Variants in KLF12 observed in about 807,000 individuals in gnomAD.
The protein encoded by KLF12 is Krueppel-like factor 12.
A neutral mutation model predicts 37.8 loss-of-function variants in KLF12; 9 were observed. The observed-to-expected ratio is 0.24, with a 90% confidence interval of 0.14 to 0.42. KLF12 has a LOEUF of 0.42. Among genes scored for constraint, KLF12 ranks in the 10% least tolerant of loss-of-function variants. The probability of loss-of-function intolerance (pLI) is 1.00; values close to 1 mark genes in which losing one functional copy is unlikely to be tolerated. For missense variants in KLF12, 411 were observed against 516.0 expected, an observed-to-expected ratio of 0.80 and a Z score of 1.97; for synonymous variants, 208 against 202.1, an observed-to-expected ratio of 1.03 and a Z score of -0.25.
the KLF12 span, among the ~76,000 whole-genome samples, chr13:74,214,402 C>T: frequency 1.7e-4 from 26 of 152,276 alleles, no homozygotes; most frequent in South Asian, 5.4e-3. Context: ...TCAGTGTCTT[C>T]CTGTATTTTA....
At chr13:74,026,708 G>T (rs1327252915) in intron 1 of KLF12, among the ~76,000 whole-genome samples, 1 of 152,112 alleles carries the variant, frequency 6.6e-6, no homozygotes, top group Non-Finnish European at 1.5e-5. Flanking sequence ...TCTATCCAGG[G>T]TAATCTGAAA....
intron 3 of KLF12, among the ~76,000 whole-genome samples, chr13:73,920,029 T>C (rs1002756507): frequency 6.6e-6 from 1 of 152,176 alleles, no homozygotes; most frequent in Non-Finnish European, 1.5e-5. Context: ...TCCCTCTCCG[T>C]TCGGGTGCTC....
At chr13:74,216,065 G>T in the KLF12 span, among the ~76,000 whole-genome samples, 1 of 152,164 alleles carries the variant, frequency 6.6e-6, no homozygotes, top group African/African-American at 2.4e-5. Context: ...GGCACATTCA[G>T]GTAATGAGCC....
chr13:73,941,024 A>T (rs2139351282), intron 3 of KLF12, among the ~76,000 whole-genome samples: 1 of 152,366 alleles, frequency 6.6e-6, no homozygotes, highest in East Asian at 1.9e-4. Context: ...AGAGTAGCAT[A>T]TCTTTAAAAT....
chr13:74,278,881 A>C, the KLF12 span, among the ~76,000 whole-genome samples: 1 of 152,208 alleles, frequency 6.6e-6, no homozygotes, highest in African/African-American at 2.4e-5. Flanking sequence ...ACACTAATTA[A>C]GGAACTGTTA....
At chr13:74,140,526 A>G in the KLF12 span, among the ~76,000 whole-genome samples, 1 of 152,182 alleles carries the variant, frequency 6.6e-6, no homozygotes, top group Non-Finnish European at 1.5e-5. Flanking sequence ...TTACACTATC[A>G]TATTTGAGAG....
chr13:74,230,215 T>G, the KLF12 span, among the ~76,000 whole-genome samples: 5 of 152,260 alleles, frequency 3.3e-5, no homozygotes, highest in Admixed American at 2.0e-4. Flanking sequence ...TATGGTTTTA[T>G]AAGGAGCTTC....
At chr13:73,695,727 C>G in intron 7 of KLF12, 56 bp from the exon 8 acceptor site, 1 of 1,523,092 alleles carries the variant, frequency 6.6e-7, no homozygotes, top group African/African-American at 1.4e-5. Context: ...TTTGCCATAA[C>G]CAGGCCAGTA....
the KLF12 span, among the ~76,000 whole-genome samples, chr13:74,155,129 T>A: frequency 2.5e-4 from 38 of 152,316 alleles, no homozygotes; most frequent in African/African-American, 9.1e-4. Context: ...CACAGGATCC[T>A]GGTTCTGACT....
chr13:73,853,549 C>T (rs972239460), intron 3 of KLF12, among the ~76,000 whole-genome samples: 47 of 152,182 alleles, frequency 3.1e-4, no homozygotes, highest in African/African-American at 1.1e-3. Context: ...CCAGCCTGAC[C>T]AACATGGTGA....
chr13:73,956,492 CA>C (rs149553933), intron 2 of KLF12, among the ~76,000 whole-genome samples: 5,624 of 152,280 alleles, frequency 0.037, 324 homozygotes, highest in African/African-American at 0.13. Flanking sequence ...CACTATATCC[CA>C]GTAACATCCC....
At position 73,692,547 on chromosome 13, in the gene KLF12, T is replaced by C. The variant is rs1873879364; in HGVS notation, c.*2943A>G. On this transcript the variant is annotated 3_prime_UTR_variant, in exon 8 of 8. Coordinates refer to ENST00000377669, the MANE Select transcript of KLF12 (RefSeq NM_007249.5). ...CCTTTAGGATTCTACTGCTTTTCTG[T>C]TGCTCATGATGCACTGTGCTTTTTG... is the stretch of plus-strand genomic sequence containing the variant. 6.5e-6 allele frequency: 1 copy of C among 152,680 alleles called. No individual in the cohort carries two copies. The highest frequency in any genetic ancestry group is 2.1e-4 in the South Asian group (1 of 4,834). 9.5% of individuals were successfully genotyped at this position (152,680 alleles called of 1,614,324 possible).
intron 1 of KLF12, among the ~76,000 whole-genome samples, chr13:74,052,652 T>G (rs1247785655): frequency 6.6e-6 from 1 of 152,068 alleles, no homozygotes; most frequent in Non-Finnish European, 1.5e-5. Flanking sequence ...GCTTCCTAAG[T>G]TTTAAAGTCA....
chr13:73,892,437 C>A (rs921129620), intron 3 of KLF12, among the ~76,000 whole-genome samples: 1 of 152,144 alleles, frequency 6.6e-6, no homozygotes, highest in Non-Finnish European at 1.5e-5. Flanking sequence ...CATATATATT[C>A]ATTTGTATTT....
At chr13:74,264,030 A>G in the KLF12 span, among the ~76,000 whole-genome samples, 1 of 152,182 alleles carries the variant, frequency 6.6e-6, no homozygotes. Flanking sequence ...CTGGGATTGT[A>G]CCTGGCATAA....
intron 6 of KLF12, among the ~76,000 whole-genome samples, chr13:73,744,397 T>C (rs1878221150): frequency 1.3e-5 from 2 of 152,140 alleles, no homozygotes; most frequent in South Asian, 4.1e-4. Context: ...AGGGCATGGA[T>C]GAAAGGGCGT....
At chr13:74,286,398 C>T in the KLF12 span, among the ~76,000 whole-genome samples, 3 of 152,142 alleles carry the variant, frequency 2.0e-5, no homozygotes, top group Non-Finnish European at 2.9e-5. Flanking sequence ...AAATTCATGA[C>T]ATTTCAAAAT....
chr13:74,097,215 A>G (rs531746316), intron 1 of KLF12, among the ~76,000 whole-genome samples: 1 of 152,336 alleles, frequency 6.6e-6, no homozygotes, highest in East Asian at 1.9e-4. Flanking sequence ...TGACCAGTGT[A>G]TAAGGTTTCT....
chr13:74,195,129 G>GT, the KLF12 span, among the ~76,000 whole-genome samples: 23 of 152,118 alleles, frequency 1.5e-4, no homozygotes, highest in Non-Finnish European at 3.4e-4. Flanking sequence ...CCAAGCTCCA[G>GT]TTTTTTTATT....
Sources: allele counts gnomAD v4.1 joint callset (sites outside exome capture counted in the v4.1 genomes callset), GRCh38; gene constraint gnomAD v4.1.1; transcripts MANE v1.5; gene names NCBI Gene and HGNC (gene_info 2026-07-23, HGNC 2026-07-21).